The following SHROOM3 variants were observed in gnomAD, a reference collection of about 807,000 sequenced individuals.
SHROOM3 encodes protein Shroom3.
In SHROOM3, 47 loss-of-function variants were observed where a neutral mutation model predicts 138.6. The observed-to-expected ratio is 0.34, with a 90% CI of 0.27 to 0.43. The LOEUF is 0.43. Among genes scored for constraint, SHROOM3 ranks in the 20% least tolerant of loss-of-function variants. The pLI, the probability that SHROOM3 is intolerant of heterozygous loss-of-function variation, is 1.00. For missense variants in SHROOM3, 2,491 were observed against 2,596.5 expected, an observed-to-expected ratio of 0.96 and a Z score of 0.88; for synonymous variants, 1,062 against 1,063.3, an observed-to-expected ratio of 1.00 and a Z score of 0.02.
chr4:76,446,472 T>C lies in SHROOM3; in HGVS notation c.168+10252T>C, dbSNP rs1730808770. Reference sequence around the variant, plus strand: ...TAACACTGGGAGTTCAACTGGGCTCTCTGCATCTTCCCAGGTGCTGCTTCC... The same window carrying C: ...TAACACTGGGAGTTCAACTGGGCTCCCTGCATCTTCCCAGGTGCTGCTTCC... On this transcript the variant is annotated intron_variant, in intron 1 of 10. Transcript: ENST00000296043. 2.0e-5 allele frequency among the ~76,000 whole-genome samples: 3 copies of C among 152,128 alleles called. No homozygotes were observed. The South Asian group carries it at 6.2e-4, about 32-fold the overall frequency.
At chr4:76,735,839 TAAAAAAAAAAAAAA>T (rs1170202101) in intron 4 of SHROOM3, among the ~76,000 whole-genome samples, 14 of 75,818 alleles carry the variant, frequency 1.8e-4, no homozygotes, top group African/African-American at 8.3e-4. Flanking sequence ...GACTCTATCT[TAAAAAAAAAAAAAA>T]AAAAAAAAAA....
intron 2 of SHROOM3, among the ~76,000 whole-genome samples, chr4:76,566,943 G>T (rs866358213): frequency 2.1e-4 from 32 of 152,336 alleles, no homozygotes; most frequent in Non-Finnish European, 3.2e-4. Context: ...TTGTGCTTTT[G>T]CCAGTAGCTA....
intron 2 of SHROOM3, chr4:76,688,344 C>T (rs1218533947): frequency 1.0e-6 from 1 of 980,158 alleles, no homozygotes; most frequent in Admixed American, 6.2e-5. Context: ...TGCATTCTGT[C>T]AGGATATAAG....
chr4:76,733,003 T>C (rs986350213), intron 4 of SHROOM3, among the ~76,000 whole-genome samples: 1 of 152,136 alleles, frequency 6.6e-6, no homozygotes, highest in Non-Finnish European at 1.5e-5. Flanking sequence ...AACTTGAGGG[T>C]GAATGGCCAG....
intron 2 of SHROOM3, among the ~76,000 whole-genome samples, chr4:76,678,096 A>C (rs1047349886): frequency 6.6e-6 from 1 of 152,222 alleles, no homozygotes; most frequent in African/African-American, 2.4e-5. Flanking sequence ...TTTTAAGTCA[A>C]CAATTAAAGT....
intron 1 of SHROOM3, among the ~76,000 whole-genome samples, chr4:76,497,676 G>A (rs1731997737): frequency 6.6e-6 from 1 of 152,110 alleles, no homozygotes; most frequent in Admixed American, 6.5e-5. Flanking sequence ...TGGCCAACAT[G>A]GTGAAACCCT....
At chr4:76,526,150 C>T (rs916401520) in intron 1 of SHROOM3, among the ~76,000 whole-genome samples, 8 of 152,146 alleles carry the variant, frequency 5.3e-5, no homozygotes, top group African/African-American at 1.9e-4. Flanking sequence ...GGTGGATCAC[C>T]TGAGGTCAAG....
intron 2 of SHROOM3, among the ~76,000 whole-genome samples, chr4:76,694,875 A>G (rs1719676243): frequency 6.6e-6 from 1 of 152,190 alleles, no homozygotes; most frequent in Non-Finnish European, 1.5e-5. Flanking sequence ...AGGCACTGTT[A>G]CTATCCCCTT....
intron 2 of SHROOM3, among the ~76,000 whole-genome samples, chr4:76,673,064 T>A (rs2110098985): frequency 6.6e-6 from 1 of 152,314 alleles, no homozygotes; most frequent in Admixed American, 6.5e-5. Context: ...AGGCCAGATT[T>A]TTTGAAAAGT....
intron 2 of SHROOM3, among the ~76,000 whole-genome samples, chr4:76,666,309 G>A (rs1037416393): frequency 6.6e-6 from 1 of 152,150 alleles, no homozygotes; most frequent in South Asian, 2.1e-4. Flanking sequence ...AGATACATCA[G>A]TGGATTACAG....
intron 1 of SHROOM3, among the ~76,000 whole-genome samples, chr4:76,507,309 T>C (rs1732232111): frequency 6.6e-6 from 1 of 152,150 alleles, no homozygotes; most frequent in African/African-American, 2.4e-5. Flanking sequence ...AATATTGACC[T>C]TATATCAGGT....
chr4:76,537,786 C>T (rs565131093), intron 1 of SHROOM3, among the ~76,000 whole-genome samples: 1 of 152,272 alleles, frequency 6.6e-6, no homozygotes, highest in African/African-American at 2.4e-5. Flanking sequence ...TATTCTGCCG[C>T]CTTGCTCCAC....
chr4:76,652,152 A>T, intron 2 of SHROOM3, among the ~76,000 whole-genome samples: 1 of 152,220 alleles, frequency 6.6e-6, no homozygotes, highest in African/African-American at 2.4e-5. Flanking sequence ...GGCTGAGGCA[A>T]ACTTACCTGG....
intron 1 of SHROOM3, among the ~76,000 whole-genome samples, chr4:76,509,913 C>T (rs1161137138): frequency 1.3e-5 from 2 of 152,010 alleles, no homozygotes; most frequent in Non-Finnish European, 2.9e-5. Context: ...ATGTATTGCT[C>T]TCATCTACTA....
chr4:76,774,720 G>GTTTTTTTTTTTTTTT (rs71212453), intron 10 of SHROOM3, among the ~76,000 whole-genome samples: 2 of 112,268 alleles, frequency 1.8e-5, no homozygotes, highest in Non-Finnish European at 3.8e-5. Flanking sequence ...TTTTTTTTTT[G>GTTTTTTTTTTTTTTT]TTTTTTTTTT....
intron 4 of SHROOM3, among the ~76,000 whole-genome samples, chr4:76,734,525 T>C (rs1325489643): frequency 6.6e-6 from 1 of 151,470 alleles, no homozygotes; most frequent in African/African-American, 2.4e-5. Context: ...TTTTTTTTTT[T>C]TTTTGAGATG....
At chr4:76,760,243 T>G (rs1721947800) in intron 9 of SHROOM3, among the ~76,000 whole-genome samples, 1 of 152,224 alleles carries the variant, frequency 6.6e-6, no homozygotes, top group East Asian at 1.9e-4. Context: ...TGGAATCTAG[T>G]TGTTAGCATT....
At chr4:76,475,419 C>T (rs1731466076) in intron 1 of SHROOM3, among the ~76,000 whole-genome samples, 4 of 152,184 alleles carry the variant, frequency 2.6e-5, no homozygotes, top group Admixed American at 2.6e-4. Flanking sequence ...ACAAATTAAC[C>T]TGCCATAGTT....
chr4:76,594,683 A>T (rs532086367), intron 2 of SHROOM3, among the ~76,000 whole-genome samples: 28 of 152,310 alleles, frequency 1.8e-4, no homozygotes, highest in African/African-American at 6.5e-4. Context: ...TGTCAGACTA[A>T]CACCTGCTAT....
Sources: gnomAD v4.1 joint callset for allele counts (sites outside exome capture counted in the v4.1 genomes callset) on GRCh38, gnomAD v4.1.1 for gene constraint, MANE v1.5 for transcripts, NCBI Gene and HGNC (gene_info 2026-07-23, HGNC 2026-07-21) for gene names.